HERC3: variants seen among roughly 807,000 people sequenced by gnomAD.
The protein encoded by HERC3 is HECT and RLD domain containing E3 ubiquitin protein ligase 3, also known as probable E3 ubiquitin-protein ligase HERC3.
Under a neutral mutation model 129.9 loss-of-function variants are expected in HERC3, and 58 were observed. The observed-to-expected ratio is 0.45, with a 90% CI of 0.36 to 0.56. The LOEUF (loss-of-function observed/expected upper bound fraction) is 0.56, where lower values mean the gene tolerates loss of function less well. Ranked by LOEUF, HERC3 falls within the 20% of genes least tolerant of loss-of-function variation. HERC3 has a pLI of 0.00. For missense variants in HERC3, 835 were observed against 1,244.2 expected (o/e 0.67, Z 4.95); for synonymous variants, 430 against 451.0 (o/e 0.95, Z 0.59).
chr4:88,656,330 C>T, intron 9 of HERC3: 1 of 340,538 alleles, frequency 2.9e-6, no homozygotes, highest in Non-Finnish European at 5.5e-6. Flanking sequence ...CACAGTTCTG[C>T]AGGCTCTACA....
rs114436266 is a variant in HERC3, at chr4:88,685,614, C to T, written c.2508-1122C>T. 2.5e-3 allele frequency among the ~76,000 whole-genome samples: 379 copies of T among 152,016 alleles called. 2 individuals are homozygous for T. Among genetic ancestry groups the T allele is most frequent in the African/African-American group, 8.8e-3 (363 of 41,434 alleles). ...GCCTTTCGGGTGGTGGAGGTGGGAA[C>T]GGGAGGGAGAGCATTAGGACAAATA... On this transcript the variant is annotated intron_variant, in intron 21 of 25. Transcript: ENST00000402738.
the HERC3 span, chr4:88,527,716 G>GGCT: frequency 1.4e-5 from 4 of 292,996 alleles, no homozygotes; most frequent in Non-Finnish European, 2.7e-5. Flanking sequence ...TGCCTTCCTG[G>GGCT]GCTGCATAGG....
At position 88,607,612 on chromosome 4, in the gene HERC3, G is replaced by T. The variant is rs572896777; in HGVS notation, c.226+1563G>T. ...CCTGAGTAGCTACAACTACAGGCAT[G>T]TGCCAATACACCTGCTAATTTTTTA... On this transcript the variant is annotated intron_variant, in intron 3 of 25. Transcript: ENST00000402738. Among the ~76,000 whole-genome samples the T allele has an allele frequency of 3.3e-5, 5 of 152,224 alleles. No individual in the cohort carries two copies. In the South Asian group the frequency reaches 1.0e-3, roughly 32 times the overall value.
chr4:88,653,996 C>T (rs1729570868), intron 6 of HERC3, 46 bp from the exon 7 acceptor site: 1 of 1,397,860 alleles, frequency 7.2e-7, no homozygotes, highest in African/African-American at 1.4e-5. Context: ...TATATTTCAT[C>T]TCAAAGGCAA....
chr4:88,579,099 T>TGGGCTGG, the HERC3 span, among the ~76,000 whole-genome samples: 1 of 151,898 alleles, frequency 6.6e-6, no homozygotes, highest in Non-Finnish European at 1.5e-5. Context: ...TTGTTAAGAG[T>TGGGCTGG]GGGCTGGGCG....
At chr4:88,668,703 C>G (rs2149299222) in intron 14 of HERC3, 1 of 153,336 alleles carries the variant, frequency 6.5e-6, no homozygotes, top group Non-Finnish European at 1.5e-5. Context: ...TTTTTCCCCC[C>G]TGGTAAATTT....
rs79383200 is a variant in HERC3 at position 88,611,430 on chromosome 4, C to T, written c.226+5381C>T. On this transcript the variant is annotated intron_variant, in intron 3 of 25. Transcript: ENST00000402738. ...TTGGTCTTGGCCCACAGGAATGCTACCCCCAAGTAGCTTCTGTGGTATTTG... is the reference window on the plus strand; with the variant it reads ...TTGGTCTTGGCCCACAGGAATGCTATCCCCAAGTAGCTTCTGTGGTATTTG... Among the ~76,000 whole-genome samples the T allele has an allele frequency of 7.1e-3, 1,082 of 152,244 alleles. 13 individuals are homozygous for T. Among genetic ancestry groups the T allele is most frequent in the African/African-American group, 0.025 (1,026 of 41,526 alleles).
rs1199768538 is a variant in HERC3, at chr4:88,649,820, C to T, written c.227-20C>T. 1.9e-6 allele frequency: 3 copies of T among 1,608,906 alleles called. No homozygotes were observed. In the African/African-American group the frequency reaches 4.0e-5, roughly 22 times the overall value. Reference sequence around the variant, plus strand: ...TGTTTCTGGGTTGTACATTTTCCTCCTCCAATTTGTCTCTTTCAGAACAAA... The same window carrying T: ...TGTTTCTGGGTTGTACATTTTCCTCTTCCAATTTGTCTCTTTCAGAACAAA... On this transcript the variant is annotated intron_variant, in intron 3 of 25. Coordinates refer to ENST00000402738, the MANE Select transcript of HERC3 (RefSeq NM_014606.3).
upstream of HERC3, among the ~76,000 whole-genome samples, chr4:88,587,967 T>C (rs983254627): frequency 6.6e-6 from 1 of 152,258 alleles, no homozygotes; most frequent in Admixed American, 6.5e-5. Flanking sequence ...AATACTTCAC[T>C]TCCTAAAGGC....
rs1027775744 is a variant in HERC3 at position 88,652,939 on chromosome 4, A to C, written c.534A>C (p.Gln178His). The stretch of plus-strand genomic sequence containing the variant: ...GCTTAGGGAAGGAGTTCCCCTCCCA[A>C]GCCAGCCCACAGAGGGTGAGGTCCC... ...QLGLGKEFPSQASPQRVRSLE... is the reference protein window; with the variant it reads ...QLGLGKEFPSHASPQRVRSLE... Residue 178 changes from glutamine (Q) to histidine (H), a missense_variant, in exon 6 of 26, where the codon CAA (glutamine) becomes CAC (histidine). Coordinates refer to ENST00000402738, the MANE Select transcript of HERC3 (RefSeq NM_014606.3). 2 of 1,614,086 alleles carry C rather than the reference A, an allele frequency of 1.2e-6. No individual in the cohort carries two copies. The highest frequency in any genetic ancestry group is 1.7e-6 in the Non-Finnish European group (2 of 1,180,026).
chr4:88,699,291 A>ACCGACCCACCCCTACCCTCTTC (rs1735073025), intron 23 of HERC3, among the ~76,000 whole-genome samples: 1 of 20,062 alleles, frequency 5.0e-5, no homozygotes, highest in Non-Finnish European at 9.7e-5. Flanking sequence ...CTTCTTCCCC[A>ACCGACCCACCCCTACCCTCTTC]CCCACCCACC....
chr4:88,574,399 A>G, the HERC3 span, among the ~76,000 whole-genome samples: 1 of 133,216 alleles, frequency 7.5e-6, no homozygotes, highest in East Asian at 2.2e-4. Context: ...GTTAGTTAAT[A>G]GTTATTATTT....
chr4:88,656,196 C>G (rs892271219), intron 9 of HERC3, 161 bp downstream of exon 9: 14 of 671,348 alleles, frequency 2.1e-5, no homozygotes, highest in African/African-American at 1.1e-4. Context: ...ATGCATGAAG[C>G]TGTAGAGTTG....
At chr4:88,569,407 T>C in the HERC3 span, among the ~76,000 whole-genome samples, 2 of 152,344 alleles carry the variant, frequency 1.3e-5, no homozygotes, top group Non-Finnish European at 1.5e-5. Context: ...TCTTTCCTTA[T>C]ATGCTGTTAA....
chr4:88,578,946 C>T, the HERC3 span, among the ~76,000 whole-genome samples: 2 of 152,132 alleles, frequency 1.3e-5, no homozygotes, highest in East Asian at 1.9e-4. Flanking sequence ...AACATTGTGA[C>T]TGGGAACTGT....
the HERC3 span, among the ~76,000 whole-genome samples, chr4:88,537,282 A>G: frequency 6.6e-6 from 1 of 152,182 alleles, no homozygotes; most frequent in African/African-American, 2.4e-5. Context: ...CGTCTCATTC[A>G]TCTCTTGTAA....
At chr4:88,549,313 C>CT in the HERC3 span, among the ~76,000 whole-genome samples, 205 of 139,798 alleles carry the variant, frequency 1.5e-3, no homozygotes, top group African/African-American at 4.3e-3. Context: ...TTAACAGTAA[C>CT]TTTTTTTAAA....
Position 88,666,951 on chromosome 4 carries a change from G to T in HERC3, c.1332-426G>T, listed in dbSNP as rs113437690. Among the ~76,000 whole-genome samples the T allele has an allele frequency of 2.4e-3, 363 of 152,248 alleles. 2 individuals carry two copies. The highest frequency in any genetic ancestry group is 8.4e-3 in the African/African-American group (347 of 41,546). On this transcript the variant is annotated intron_variant, in intron 12 of 25. Transcript: ENST00000402738. Reference sequence around the variant, plus strand: ...CATTTGTTGATGAGTGGACCAGTTTGCACAGGGGACGTTATTTGTACCAAG... The same window carrying T: ...CATTTGTTGATGAGTGGACCAGTTTTCACAGGGGACGTTATTTGTACCAAG...
chr4:88,695,247 A>T (rs1009577109), intron 23 of HERC3, among the ~76,000 whole-genome samples: 1 of 152,182 alleles, frequency 6.6e-6, no homozygotes, highest in East Asian at 1.9e-4. Context: ...TTTGTACTCA[A>T]CAATCTGTTG....
Sources: gnomAD v4.1 joint callset for allele counts (sites outside exome capture counted in the v4.1 genomes callset) on GRCh38, gnomAD v4.1.1 for gene constraint, MANE v1.5 for transcripts, NCBI Gene and HGNC (gene_info 2026-07-23, HGNC 2026-07-21) for gene names.